The following CELF1 variants were observed in gnomAD, a reference collection of about 807,000 sequenced individuals.
CELF1 encodes CUGBP Elav-like family member 1, also known as 50 kDa nuclear polyadenylated RNA-binding protein.
A neutral mutation model predicts 61.8 loss-of-function variants in CELF1; 10 were observed. The ratio of observed to expected loss-of-function variants is 0.16; its 90% CI spans 0.10 to 0.27. CELF1 has a LOEUF of 0.27. CELF1 is among the 10% of genes least tolerant of loss of function. The pLI is 1.00. For synonymous variants in CELF1, 236 were observed against 225.1 expected (o/e 1.05, Z -0.43); for missense variants, 380 against 639.1 (o/e 0.59, Z 4.37).
intron 13 of CELF1, among the ~76,000 whole-genome samples, chr11:47,474,681 C>T (rs1196144368): frequency 1.3e-5 from 2 of 152,184 alleles, no homozygotes; most frequent in Admixed American, 6.5e-5. Context: ...CATCTTTTTC[C>T]TACATTAGTG....
At chr11:47,554,862 C>CCCTG (rs1222747833), upstream of CELF1, among the ~76,000 whole-genome samples, 2 of 151,972 alleles carry the variant, frequency 1.3e-5, no homozygotes, top group African/African-American at 4.8e-5. Context: ...GGGTTTCAAC[C>CCCTG]CCTGTTGGTC....
At chr11:47,548,162 A>G (rs1476074867) in intron 1 of CELF1, among the ~76,000 whole-genome samples, 1 of 151,742 alleles carries the variant, frequency 6.6e-6, no homozygotes, top group Non-Finnish European at 1.5e-5. Context: ...AGCCAGGCAC[A>G]GTGGCAGGAA....
chr11:47,488,784 T>G (rs1320978395), intron 4 of CELF1, 53 bp downstream of exon 4: 6 of 1,348,510 alleles, frequency 4.4e-6, no homozygotes, highest in Non-Finnish European at 5.8e-6. Flanking sequence ...AGCCCTCACC[T>G]GCTCTGAGAG....
rs1432476689 is a variant in CELF1 at position 47,471,619 on chromosome 11, A to T, written c.*611T>A. ...AGAAATTCCGGACAAGAATCTGAAAAATAGGTGTCAAAAACTATTTCCCAG... is the reference window on the plus strand; with the variant it reads ...AGAAATTCCGGACAAGAATCTGAAATATAGGTGTCAAAAACTATTTCCCAG... On this transcript the variant is annotated 3_prime_UTR_variant, in exon 15 of 15. Transcript: ENST00000687097. 3 of 152,188 alleles carry T rather than the reference A, an allele frequency of 2.0e-5. No homozygotes were observed. Among genetic ancestry groups the T allele is most frequent in the African/African-American group, 7.2e-5 (3 of 41,438 alleles). The allele number at this position is 152,188 out of a possible 1,614,324, so 9.4% of individuals were successfully genotyped here.
intron 1 of CELF1, among the ~76,000 whole-genome samples, chr11:47,544,985 C>G (rs2096896161): frequency 6.6e-6 from 1 of 151,790 alleles, no homozygotes; most frequent in Non-Finnish European, 1.5e-5. Flanking sequence ...ATAAAAAAAT[C>G]AAGAATCAAA....
intron 1 of CELF1, among the ~76,000 whole-genome samples, chr11:47,505,199 G>A (rs2094382174): frequency 6.6e-6 from 1 of 151,192 alleles, no homozygotes; most frequent in African/African-American, 2.4e-5. Context: ...TGACCCAACA[G>A]TCCTGTCAAA....
chr11:47,477,412 C>T lies in CELF1; in HGVS notation c.858G>A (p.Met286Ile), dbSNP rs926483704. The T allele has an allele frequency of 2.5e-6, 4 of 1,613,784 alleles. No homozygotes were observed. Among genetic ancestry groups the T allele is most frequent in the African/African-American group, 2.7e-5 (2 of 74,898 alleles). ...SLHPMGGLNA[M>I]QLQNLAALAA... ...CTAGTGCAGCCAAATTCTGTAACTG[C>T]ATTGCATTCAACCCTACAACATCCA... The change falls in exon 11 of 15, where the codon ATG becomes ATA. Residue 286 changes from methionine to isoleucine, a missense_variant. Coordinates refer to ENST00000687097, the MANE Select transcript of CELF1 (RefSeq NM_001376376.1).
At chr11:47,488,138 T>C (rs1293861836) in intron 4 of CELF1, among the ~76,000 whole-genome samples, 1 of 152,234 alleles carries the variant, frequency 6.6e-6, no homozygotes, top group African/African-American at 2.4e-5. Context: ...ACATTTGCAC[T>C]GTTGGACAGC....
chr11:47,527,000 G>A (rs749870227), intron 1 of CELF1, among the ~76,000 whole-genome samples: 12 of 151,486 alleles, frequency 7.9e-5, no homozygotes, highest in Non-Finnish European at 1.3e-4. Context: ...GCAGTCAGCC[G>A]AGATTGTGCC....
chr11:47,506,251 C>T (rs2094486302), intron 1 of CELF1, among the ~76,000 whole-genome samples: 1 of 150,820 alleles, frequency 6.6e-6, no homozygotes, highest in African/African-American at 2.4e-5. Context: ...ACGATGAAAC[C>T]CCGTCTCTAC....
intron 12 of CELF1, among the ~76,000 whole-genome samples, chr11:47,476,308 A>C (rs1220169693): frequency 3.3e-5 from 5 of 152,338 alleles, no homozygotes; most frequent in Non-Finnish European, 7.3e-5. Context: ...AATTTTTAAC[A>C]ATCCTTCAAA....
Position 47,545,875 on chromosome 11 carries a change from G to C in CELF1, c.-154+7117C>G, listed in dbSNP as rs1424054062. 7.2e-3 allele frequency among the ~76,000 whole-genome samples: 802 copies of C among 111,728 alleles called. 7 individuals are homozygous for C. The highest frequency in any genetic ancestry group is 0.029 in the African/African-American group (759 of 26,112). 73.3% of individuals were successfully genotyped at this position (111,728 alleles called of 152,430 possible). A position where few individuals can be genotyped will look rare whatever the true frequency, so the allele number is the denominator to read the frequency against. On this transcript the variant is annotated intron_variant, in intron 1 of 14. Coordinates refer to ENST00000687097, the MANE Select transcript of CELF1 (RefSeq NM_001376376.1). Reference sequence around the variant, plus strand: ...CGTGTGTGTGTGTGTGTCTGCGTGTGTGTGTGTGTGTGTGTGTGTGTGTGT... The same window carrying C: ...CGTGTGTGTGTGTGTGTCTGCGTGTCTGTGTGTGTGTGTGTGTGTGTGTGT...
intron 9 of CELF1, among the ~76,000 whole-genome samples, chr11:47,480,107 T>G (rs1279739148): frequency 2.6e-5 from 4 of 151,032 alleles, no homozygotes; most frequent in Non-Finnish European, 5.9e-5. Context: ...TTTTTTTTTT[T>G]GAGACGGAGT....
chr11:47,544,641 C>A (rs977290337), intron 1 of CELF1, among the ~76,000 whole-genome samples: 33 of 152,126 alleles, frequency 2.2e-4, no homozygotes, highest in Non-Finnish European at 8.8e-5. Flanking sequence ...TTTTATTTGC[C>A]TTTTGACCAT....
chr11:47,496,163 A>C (rs2093052342), intron 3 of CELF1: 1 of 176,940 alleles, frequency 5.7e-6, no homozygotes. Context: ...TGCTGTGAGA[A>C]AGTTAATTTT....
chr11:47,532,856 G>A (rs1285982330), intron 1 of CELF1, among the ~76,000 whole-genome samples: 5 of 152,070 alleles, frequency 3.3e-5, no homozygotes, highest in African/African-American at 7.2e-5. Flanking sequence ...TCTAATTAAC[G>A]GAACACAGAA....
intron 2 of CELF1, among the ~76,000 whole-genome samples, chr11:47,500,393 C>A (rs75449951): frequency 0.016 from 2,397 of 152,216 alleles, 50 homozygotes; most frequent in African/African-American, 0.048. Flanking sequence ...TCTGAAGCTT[C>A]ATCTGCCAGA....
In CELF1 at chr11:47,489,932, C is replaced by CTTTTTTTTTTTTTTTTT. The variant is rs530410346; in HGVS notation, c.72-909_72-908insAAAAAAAAAAAAAAAAA. 3.7e-3 allele frequency among the ~76,000 whole-genome samples: 87 copies of CTTTTTTTTTTTTTTTTT among 23,378 alleles called. 1 individual carries two copies. Among genetic ancestry groups the CTTTTTTTTTTTTTTTTT allele is most frequent in the Non-Finnish European group, 5.5e-3 (61 of 11,104 alleles). The allele number at this position is 23,378 out of a possible 152,430, so 15.3% of individuals were successfully genotyped here. On this transcript the variant is annotated intron_variant, in intron 3 of 14. Transcript: ENST00000687097. Reference sequence around the variant, plus strand: ...GATGTTTCCACTCAGAACATACCATCTTGTTTTTTTTTTTTTTTTTTTTGA... The same window carrying CTTTTTTTTTTTTTTTTT: ...GATGTTTCCACTCAGAACATACCATCTTTTTTTTTTTTTTTTTTTGTTTTTTTTTTTTTTTTTTTTGA...
At chr11:47,525,280 C>G (rs1203294783) in intron 1 of CELF1, among the ~76,000 whole-genome samples, 1 of 152,058 alleles carries the variant, frequency 6.6e-6, no homozygotes. Context: ...CTTATATAAC[C>G]AGAAGCCAAA....
Sources: allele counts gnomAD v4.1 joint callset (sites outside exome capture counted in the v4.1 genomes callset), GRCh38; gene constraint gnomAD v4.1.1; transcripts MANE v1.5; gene names NCBI Gene and HGNC (gene_info 2026-07-23, HGNC 2026-07-21).